Variants in CSK observed in about 807,000 individuals in gnomAD.
CSK encodes C-terminal Src kinase, also known as tyrosine-protein kinase CSK.
CSK carries 7 observed loss-of-function variants against 62.3 expected under a neutral mutation model. That is an observed-to-expected ratio of 0.11 (90% CI 0.06 to 0.21). The LOEUF is 0.21. Among genes scored for constraint, CSK ranks in the 10% least tolerant of loss-of-function variants. CSK has a pLI of 1.00. For synonymous variants in CSK, 237 were observed against 246.0 expected, an observed-to-expected ratio of 0.96 and a Z score of 0.34; for missense variants, 294 against 613.5, an observed-to-expected ratio of 0.48 and a Z score of 5.50.
At chr15:74,789,445 G>A (rs2063583151) in intron 1 of CSK, among the ~76,000 whole-genome samples, 1 of 152,226 alleles carries the variant, frequency 6.6e-6, no homozygotes, top group African/African-American at 2.4e-5. Flanking sequence ...GAATGTCACA[G>A]TGCCTCAGCC....
chr15:74,802,472 G>A lies in CSK; in HGVS notation c.1312G>A (p.Glu438Lys). The change falls in exon 13 of 13, where the codon GAG (glutamate) becomes AAG (lysine). Residue 438 changes from glutamate to lysine, a missense_variant. By Grantham distance (56) the Glu-to-Lys change is moderately conservative. This residue lies in a region of CSK where 66 missense variants were observed against 99.3 expected (regional missense o/e 0.66). Transcript: ENST00000220003. ...GCGGCCCTCCTTCCTACAGCTCCGA[G>A]AGCAGCTTGAGCACATCAAAACCCA... is the stretch of plus-strand genomic sequence containing the variant. Reference protein sequence around the residue: ...AMRPSFLQLREQLEHIKTHEL... With the variant: ...AMRPSFLQLRKQLEHIKTHEL... 2 of 1,612,958 alleles carry A rather than the reference G, an allele frequency of 1.2e-6. No individual in the cohort carries two copies. The highest frequency in any genetic ancestry group is 1.7e-6 in the Non-Finnish European group (2 of 1,179,846).
chr15:74,783,040 G>A (rs1251142145), intron 1 of CSK, among the ~76,000 whole-genome samples: 1 of 152,204 alleles, frequency 6.6e-6, no homozygotes, highest in Non-Finnish European at 1.5e-5. Flanking sequence ...GTATGGGCCA[G>A]GTCCCTAGAG....
intron 9 of CSK, 24 bp from the exon 10 acceptor site, chr15:74,801,498 C>G (rs762370390): frequency 5.0e-6 from 8 of 1,604,548 alleles, no homozygotes; most frequent in Non-Finnish European, 6.8e-6. Context: ...TGACCTCGGC[C>G]TGGTCTGTCC....
rs536570468 is a variant in CSK at position 74,800,878 on chromosome 15, C to G, written c.678C>G (p.Asn226Lys). ...AAGTCGCCGTCAAGTGCATTAAGAA[C>G]GACGCCACTGCCCAGGCCTTCCTGG... ...GNKVAVKCIKNDATAQAFLAE... is the reference protein window; with the variant it reads ...GNKVAVKCIKKDATAQAFLAE... Residue 226 changes from asparagine (N) to lysine (K), a missense_variant, in exon 8 of 13, where the codon AAC (asparagine) becomes AAG (lysine). Transcript: ENST00000220003. The G allele has an allele frequency of 1.2e-6, 2 of 1,613,126 alleles. No homozygotes were observed. Among genetic ancestry groups the G allele is most frequent in the African/African-American group, 2.7e-5 (2 of 74,912 alleles).
intron 1 of CSK, among the ~76,000 whole-genome samples, chr15:74,795,861 T>C (rs2063696720): frequency 6.6e-6 from 1 of 152,246 alleles, no homozygotes; most frequent in Non-Finnish European, 1.5e-5. Context: ...GACACTCATT[T>C]TGTTTGTTAT....
In CSK at chr15:74,803,084, CAG is replaced by C. The variant is rs2063818702; in HGVS notation, c.*572_*573del. On this transcript the variant is annotated 3_prime_UTR_variant, in exon 13 of 13. Coordinates refer to ENST00000220003, the MANE Select transcript of CSK (RefSeq NM_004383.3). ...GCATGCGCCCGAGGCAGACGTCTGTCAGGGGCTTGGATTTCGTGTGCCGCTGC... is the reference window on the plus strand; with the variant it reads ...GCATGCGCCCGAGGCAGACGTCTGTCGGGCTTGGATTTCGTGTGCCGCTGC... 1 of 153,418 alleles carries C rather than the reference CAG, an allele frequency of 6.5e-6. No homozygotes were observed. 9.5% of individuals were successfully genotyped at this position (153,418 alleles called of 1,614,324 possible).
intron 10 of CSK, 24 bp downstream of exon 10, chr15:74,801,619 G>A (rs1220370170): frequency 1.9e-6 from 3 of 1,612,964 alleles, no homozygotes; most frequent in African/African-American, 1.3e-5. Flanking sequence ...CCTCTTGGAT[G>A]GGTAGGGTTT....
chr15:74,788,420 C>G (rs1477823939), intron 1 of CSK: 2 of 152,318 alleles, frequency 1.3e-5, no homozygotes, highest in Non-Finnish European at 2.9e-5. Context: ...CAAGTACCCA[C>G]ACAGCTAGTT....
chr15:74,795,503 C>T (rs1447443186), intron 1 of CSK, among the ~76,000 whole-genome samples: 1 of 152,136 alleles, frequency 6.6e-6, no homozygotes, highest in Non-Finnish European at 1.5e-5. Context: ...CACGAAGATG[C>T]CACTGGCCCT....
intron 1 of CSK, chr15:74,791,043 A>G (rs759847726): frequency 3.2e-4 from 48 of 152,252 alleles, no homozygotes; most frequent in Admixed American, 1.7e-3. Context: ...TAAAAGCCCA[A>G]AAGGACAAAA....
intron 1 of CSK, among the ~76,000 whole-genome samples, chr15:74,785,608 C>T (rs1207950180): frequency 1.3e-5 from 2 of 152,212 alleles, no homozygotes; most frequent in African/African-American, 4.8e-5. Flanking sequence ...AACCAAGGGA[C>T]TCTAAAGTGC....
At chr15:74,790,663 T>C (rs1003116592) in intron 1 of CSK, among the ~76,000 whole-genome samples, 1 of 152,264 alleles carries the variant, frequency 6.6e-6, no homozygotes, top group African/African-American at 2.4e-5. Context: ...ACTATAGTCC[T>C]ATTGGTTATG....
intron 6 of CSK, 44 bp from the exon 7 acceptor site, chr15:74,800,637 A>G: frequency 6.5e-7 from 1 of 1,537,978 alleles, no homozygotes; most frequent in African/African-American, 1.4e-5. Flanking sequence ...CATCCCAGCC[A>G]TGTCCCTAGT....
chr15:74,784,410 A>AT (rs1374747541), intron 1 of CSK, among the ~76,000 whole-genome samples: 3 of 151,366 alleles, frequency 2.0e-5, no homozygotes, highest in Non-Finnish European at 4.4e-5. Flanking sequence ...ATTTTATTTT[A>AT]TTTTATTTTT....
chr15:74,786,188 A>G (rs892601318), intron 1 of CSK, among the ~76,000 whole-genome samples: 2 of 151,490 alleles, frequency 1.3e-5, no homozygotes, highest in Admixed American at 6.6e-5. Flanking sequence ...CGCCTGGCTA[A>G]TTTTGTATTT....
intron 1 of CSK, among the ~76,000 whole-genome samples, chr15:74,787,330 G>A (rs1009617282): frequency 6.6e-6 from 1 of 152,170 alleles, no homozygotes; most frequent in African/African-American, 2.4e-5. Context: ...CTGCTCCTCG[G>A]GATCAGAAGT....
At chr15:74,796,015 C>T (rs888500241) in intron 1 of CSK, among the ~76,000 whole-genome samples, 1 of 152,098 alleles carries the variant, frequency 6.6e-6, no homozygotes, top group Admixed American at 6.6e-5. Context: ...GCCAGGAGTT[C>T]AAGACCAGCA....
intron 1 of CSK, among the ~76,000 whole-genome samples, chr15:74,787,867 C>T (rs916992914): frequency 6.6e-6 from 1 of 152,216 alleles, no homozygotes; most frequent in Admixed American, 6.5e-5. Flanking sequence ...CATGCAGACT[C>T]GCGCATCTAT....
rs1033335420 is a variant in CSK at position 74,799,418 on chromosome 15, G to A, written c.389G>A (p.Arg130His). ...VSCDGKVEHY[R>H]IMYHASKLSI... ...TGCGACGGCAAGGTGGAGCACTACC[G>A]CATCATGTACCATGCCAGCAAGCTC... Residue 130 changes from arginine (R) to histidine (H), a missense_variant, in exon 5 of 13, where the codon CGC (arginine) becomes CAC (histidine). Around this residue, in one of 3 missense-constraint regions of CSK, gnomAD observed 202 missense variants for 415.7 expected, o/e 0.49. Coordinates refer to ENST00000220003, the MANE Select transcript of CSK (RefSeq NM_004383.3). 15 of 1,613,476 alleles carry A rather than the reference G, an allele frequency of 9.3e-6. No homozygotes were observed. The highest frequency in any genetic ancestry group is 2.7e-5 in the African/African-American group (2 of 74,952).
Sources: allele counts gnomAD v4.1 joint callset (sites outside exome capture counted in the v4.1 genomes callset), GRCh38; gene constraint gnomAD v4.1.1; regional missense constraint gnomAD v4.1.1; transcripts MANE v1.5; gene names NCBI Gene and HGNC (gene_info 2026-07-23, HGNC 2026-07-21).